Variants in CTNNA3 observed in about 807,000 individuals in gnomAD.
CTNNA3 encodes catenin alpha 3.
Under a neutral mutation model 95.7 loss-of-function variants are expected in CTNNA3, and 76 were observed. That is an observed-to-expected ratio of 0.79 (90% CI 0.66 to 0.96). The LOEUF is 0.96. CTNNA3 is among the 40% of genes least tolerant of loss of function. The pLI, the probability that CTNNA3 is intolerant of heterozygous loss-of-function variation, is 0.00. For missense variants in CTNNA3, 1,191 were observed against 1,089.8 expected, an observed-to-expected ratio of 1.09 and a Z score of -1.31; for synonymous variants, 431 against 374.4, an observed-to-expected ratio of 1.15 and a Z score of -1.74.
intron 13 of CTNNA3, among the ~76,000 whole-genome samples, chr10:66,139,391 CATAT>C (rs2083501208): frequency 6.6e-6 from 1 of 152,240 alleles, no homozygotes; most frequent in African/African-American, 2.4e-5. Context: ...ACTCATATGT[CATAT>C]GAATGGCTTA....
intron 7 of CTNNA3, among the ~76,000 whole-genome samples, chr10:67,055,795 T>C (rs1244637538): frequency 6.6e-6 from 1 of 152,120 alleles, no homozygotes; most frequent in Non-Finnish European, 1.5e-5. Context: ...CATAAGGATA[T>C]CAGGGGTGTC....
chr10:66,445,672 C>T (rs982785354), intron 11 of CTNNA3, among the ~76,000 whole-genome samples: 7 of 151,914 alleles, frequency 4.6e-5, no homozygotes, highest in African/African-American at 1.5e-4. Context: ...ACGTTCAAAG[C>T]AGTGTGTAGA....
At chr10:65,948,150 G>A (rs1481266465) in intron 17 of CTNNA3, among the ~76,000 whole-genome samples, 3 of 151,830 alleles carry the variant, frequency 2.0e-5, no homozygotes, top group Non-Finnish European at 4.4e-5. Flanking sequence ...GCGTGGTGGT[G>A]GGCGCCTGTA....
chr10:66,208,509 T>C (rs1337744656), intron 13 of CTNNA3, among the ~76,000 whole-genome samples: 1 of 152,052 alleles, frequency 6.6e-6, no homozygotes, highest in Non-Finnish European at 1.5e-5. Flanking sequence ...CACACATATA[T>C]CGCCATGGGT....
chr10:67,356,929 A>T (rs1459924258), intron 5 of CTNNA3, among the ~76,000 whole-genome samples: 1 of 152,126 alleles, frequency 6.6e-6, no homozygotes, highest in Non-Finnish European at 1.5e-5. Context: ...CTTTAAATTC[A>T]TAATGATAAT....
intron 9 of CTNNA3, among the ~76,000 whole-genome samples, chr10:66,738,527 A>G (rs1849222349): frequency 1.3e-5 from 2 of 152,174 alleles, no homozygotes; most frequent in Admixed American, 6.6e-5. Flanking sequence ...TCTAGAAAAA[A>G]TATGTTTCTA....
intron 1 of CTNNA3, among the ~76,000 whole-genome samples, chr10:67,726,770 T>C (rs369813832): frequency 9.3e-6 from 1 of 108,102 alleles, no homozygotes; most frequent in Non-Finnish European, 1.7e-5. Flanking sequence ...ATATGACACA[T>C]ATATCATATA....
chr10:66,431,642 A>T (rs1320577903), intron 11 of CTNNA3, among the ~76,000 whole-genome samples: 1 of 151,548 alleles, frequency 6.6e-6, no homozygotes, highest in East Asian at 2.0e-4. Context: ...AAACTGTCGC[A>T]AGGACAAAAA....
chr10:66,238,544 A>G (rs2089967612), intron 13 of CTNNA3, among the ~76,000 whole-genome samples: 1 of 152,028 alleles, frequency 6.6e-6, no homozygotes, highest in Non-Finnish European at 1.5e-5. Context: ...TGTGAAATAC[A>G]CAGTAAAAAT....
chr10:66,535,927 A>T (rs1841636202), intron 10 of CTNNA3, among the ~76,000 whole-genome samples: 3 of 152,328 alleles, frequency 2.0e-5, no homozygotes, highest in Admixed American at 1.3e-4. Flanking sequence ...AATAAAGAAC[A>T]CAAAATATAT....
At chr10:66,035,466 G>C (rs987831733) in intron 15 of CTNNA3, among the ~76,000 whole-genome samples, 1 of 150,510 alleles carries the variant, frequency 6.6e-6, no homozygotes, top group Non-Finnish European at 1.5e-5. Flanking sequence ...CTACATAAAA[G>C]ATTGGGAAGA....
rs1297343070 is a variant in CTNNA3 at position 67,691,491 on chromosome 10, G to A, written c.-6+4509C>T. Among the ~76,000 whole-genome samples, 16 of 151,470 alleles carry A rather than the reference G, an allele frequency of 1.1e-4. No individual in the cohort carries two copies. The East Asian group carries it at 2.8e-3, about 26-fold the overall frequency. On this transcript the variant is annotated intron_variant, in intron 1 of 17. Coordinates refer to ENST00000433211, the MANE Select transcript of CTNNA3 (RefSeq NM_013266.4). Reference sequence around the variant, plus strand: ...CCATCACATCTGGGAAGTGAGGAGCGTCTCTGCCCGGCCGCCCATCGTCTG... The same window carrying A: ...CCATCACATCTGGGAAGTGAGGAGCATCTCTGCCCGGCCGCCCATCGTCTG...
intron 3 of CTNNA3, among the ~76,000 whole-genome samples, chr10:67,565,701 A>G (rs1029874027): frequency 4.0e-5 from 6 of 150,438 alleles, no homozygotes; most frequent in African/African-American, 1.5e-4. Flanking sequence ...ACAAAAAATA[A>G]CAGATGTTGG....
At position 66,074,632 on chromosome 10, in the gene CTNNA3, AGT is replaced by A. The variant is rs1245012560; in HGVS notation, c.1978-5145_1978-5144del. On this transcript the variant is annotated intron_variant, in intron 14 of 17. Coordinates refer to ENST00000433211, the MANE Select transcript of CTNNA3 (RefSeq NM_013266.4). The stretch of plus-strand genomic sequence containing the variant: ...TATATGCCCCTTTCTCCATTCTTCA[AGT>A]GTGTGTAATTATTCTCTCAAAATTT... Among the ~76,000 whole-genome samples the A allele has an allele frequency of 2.0e-5, 3 of 151,906 alleles. No homozygotes were observed. The East Asian group carries it at 5.8e-4, about 29-fold the overall frequency.
chr10:66,482,535 G>A (rs781015156), intron 11 of CTNNA3, among the ~76,000 whole-genome samples: 23 of 151,626 alleles, frequency 1.5e-4, no homozygotes, highest in Non-Finnish European at 2.8e-4. Flanking sequence ...GAGCTGATGC[G>A]TTAAACCAAT....
intron 1 of CTNNA3, among the ~76,000 whole-genome samples, chr10:67,677,556 A>G (rs573786159): frequency 6.6e-6 from 1 of 152,216 alleles, no homozygotes; most frequent in South Asian, 2.1e-4. Context: ...CTCACATCCT[A>G]TCAAAGACTT....
At chr10:67,200,231 C>T (rs997464650) in intron 6 of CTNNA3, among the ~76,000 whole-genome samples, 1 of 152,060 alleles carries the variant, frequency 6.6e-6, no homozygotes, top group African/African-American at 2.4e-5. Flanking sequence ...TTACTTGTGA[C>T]CTTGCCTGCT....
At chr10:67,142,308 T>C (rs1400616746) in intron 7 of CTNNA3, among the ~76,000 whole-genome samples, 2 of 152,174 alleles carry the variant, frequency 1.3e-5, no homozygotes, top group East Asian at 3.9e-4. Context: ...TCCTCCACAG[T>C]TCTGTCTCCC....
intron 5 of CTNNA3, among the ~76,000 whole-genome samples, chr10:67,284,955 C>T (rs1303791392): frequency 6.6e-6 from 1 of 152,130 alleles, no homozygotes; most frequent in East Asian, 1.9e-4. Flanking sequence ...GGGGGTGGCA[C>T]CTATGCCCAG....
Sources: gnomAD v4.1 joint callset for allele counts (sites outside exome capture counted in the v4.1 genomes callset) on GRCh38, gnomAD v4.1.1 for gene constraint, MANE v1.5 for transcripts, NCBI Gene and HGNC (gene_info 2026-07-23, HGNC 2026-07-21) for gene names.